The following TNKS2 variants were observed in gnomAD, a reference collection of about 807,000 sequenced individuals.
The protein encoded by TNKS2 is tankyrase 2.
In TNKS2, 72 loss-of-function variants were observed where a neutral mutation model predicts 137.6. The ratio of observed to expected loss-of-function variants is 0.52; its 90% CI spans 0.43 to 0.64. The LOEUF (loss-of-function observed/expected upper bound fraction) is 0.64, where lower values mean the gene tolerates loss of function less well. Among genes scored for constraint, TNKS2 ranks in the 30% least tolerant of loss-of-function variants. The pLI is 0.00. For synonymous variants in TNKS2, 516 were observed against 512.1 expected (o/e 1.01, Z -0.10); for missense variants, 1,049 against 1,410.2 (o/e 0.74, Z 4.10).
rs1358361527 is a variant in TNKS2, at chr10:91,817,183, G to A, written c.474G>A (p.Arg158=). ...CAACCATCCGAAATACAGATGGAAG[G>A]ACAGCATTGGATTTAGCAGATCCAT... ...AEPTIRNTDG[R]TALDLADPSA... is the part of the protein sequence containing the mutation. Residue 158 remains arginine, a synonymous_variant, in exon 3 of 27, where the codon AGG becomes AGA. Coordinates refer to ENST00000371627, the MANE Select transcript of TNKS2 (RefSeq NM_025235.4). The A allele has an allele frequency of 1.7e-5, 27 of 1,613,610 alleles. No individual in the cohort carries two copies. The highest frequency in any genetic ancestry group is 3.3e-5 in the Admixed American group (2 of 59,972).
At chr10:91,817,750 T>C (rs946532102) in intron 3 of TNKS2, among the ~76,000 whole-genome samples, 1 of 152,210 alleles carries the variant, frequency 6.6e-6, no homozygotes, top group African/African-American at 2.4e-5. Context: ...ACCATGCTAG[T>C]TGTACTCTGC....
chr10:91,862,332 C>T (rs570317595), intron 26 of TNKS2, among the ~76,000 whole-genome samples, 177 bp downstream of exon 26: 12 of 152,190 alleles, frequency 7.9e-5, no homozygotes, highest in Admixed American at 3.9e-4. Flanking sequence ...TTCTTATAAC[C>T]TTTACCTAGA....
chr10:91,837,233 G>A (rs927986851), intron 13 of TNKS2, among the ~76,000 whole-genome samples: 2 of 151,980 alleles, frequency 1.3e-5, no homozygotes, highest in South Asian at 2.1e-4. Flanking sequence ...AATAAATTCG[G>A]GTAATACCAA....
intron 1 of TNKS2, among the ~76,000 whole-genome samples, chr10:91,806,260 T>C (rs1237346961): frequency 1.3e-5 from 2 of 152,280 alleles, no homozygotes; most frequent in East Asian, 1.9e-4. Flanking sequence ...AATATAATTA[T>C]CAAATATCGT....
At chr10:91,805,031 T>G (rs1844281469) in intron 1 of TNKS2, among the ~76,000 whole-genome samples, 1 of 152,120 alleles carries the variant, frequency 6.6e-6, no homozygotes, top group South Asian at 2.1e-4. Context: ...CCCAAAGTGC[T>G]GGGATTACAG....
intron 17 of TNKS2, among the ~76,000 whole-genome samples, chr10:91,845,328 G>T (rs1328626238): frequency 6.6e-6 from 1 of 152,156 alleles, no homozygotes; most frequent in African/African-American, 2.4e-5. Context: ...CACCAACGGG[G>T]TAGATGGAAT....
At chr10:91,826,967 C>G in intron 7 of TNKS2, 50 bp from the exon 8 acceptor site, 1 of 1,418,736 alleles carries the variant, frequency 7.0e-7, no homozygotes, top group African/African-American at 1.4e-5. Flanking sequence ...ACGAATAATT[C>G]TGAATTCTTT....
chr10:91,820,431 C>A (rs998287311), intron 6 of TNKS2, among the ~76,000 whole-genome samples: 3 of 152,128 alleles, frequency 2.0e-5, no homozygotes, highest in African/African-American at 7.2e-5. Context: ...GCAGAGTTTG[C>A]GGGACATTAG....
chr10:91,819,354 CTTT>C (rs747107014), intron 4 of TNKS2, 48 bp downstream of exon 4: 35 of 1,226,748 alleles, frequency 2.9e-5, no homozygotes, highest in Admixed American at 1.5e-4. Context: ...TCACCATTAA[CTTT>C]TTCTTTTTTT....
At chr10:91,812,313 G>A (rs1844536207) in intron 1 of TNKS2, among the ~76,000 whole-genome samples, 1 of 152,070 alleles carries the variant, frequency 6.6e-6, no homozygotes, top group Non-Finnish European at 1.5e-5. Flanking sequence ...TTTGATTTGG[G>A]GGCAGTTGAG....
At position 91,812,966 on chromosome 10, in the gene TNKS2, A is replaced by G. The variant is rs368642049; in HGVS notation, c.200-17A>G. On this transcript the variant is annotated splice_polypyrimidine_tract_variant and intron_variant, in intron 1 of 26. Transcript: ENST00000371627. ...TTCCTTGTTGAACTTACGTGTGGAC[A>G]ATTTGTTTTCATCTAGGTTTTGGGC... 1.4e-5 allele frequency: 23 copies of G among 1,613,150 alleles called. No homozygotes were observed. The African/African-American group carries it at 2.4e-4, about 17-fold the overall frequency.
chr10:91,864,114 TATAAA>T lies in TNKS2; in HGVS notation c.*1118_*1122del, dbSNP rs2133691136. ...ATCATGGGTAAACTTAACCCAGAAC[TATAAA>T]ATGTAGTTGTCTCAGTCCCCTCCAG... On this transcript the variant is annotated 3_prime_UTR_variant, in exon 27 of 27. Coordinates refer to ENST00000371627, the MANE Select transcript of TNKS2 (RefSeq NM_025235.4). 1 of 152,548 alleles carries T rather than the reference TATAAA, an allele frequency of 6.6e-6. No individual in the cohort carries two copies. The highest frequency in any genetic ancestry group is 2.1e-4 in the South Asian group (1 of 4,830). The allele number at this position is 152,548 out of a possible 1,614,324, so 9.4% of individuals were successfully genotyped here. A position where few individuals can be genotyped will look rare whatever the true frequency, so the allele number is the denominator to read the frequency against.
At position 91,863,269 on chromosome 10, in the gene TNKS2, T is replaced by C; in HGVS notation, c.*270T>C. On this transcript the variant is annotated 3_prime_UTR_variant, in exon 27 of 27. Transcript: ENST00000371627. ...GTACTAAATTATAAACAGAGTTAAC[T>C]TGAACCTTTTATATGTTATGCATTG... The C allele has an allele frequency of 3.1e-6, 1 of 323,340 alleles. No homozygotes were observed. The highest frequency in any genetic ancestry group is 5.7e-6 in the Non-Finnish European group (1 of 175,044). 20.0% of individuals were successfully genotyped at this position (323,340 alleles called of 1,614,324 possible).
intron 1 of TNKS2, among the ~76,000 whole-genome samples, chr10:91,810,908 C>CT (rs1472899869): frequency 3.5e-5 from 2 of 56,734 alleles, no homozygotes; most frequent in African/African-American, 1.2e-4. Flanking sequence ...TTTTCTTTCT[C>CT]TCTTTTCTTT....
At chr10:91,855,333 GTGTT>G (rs915691954) in intron 22 of TNKS2, among the ~76,000 whole-genome samples, 3 of 151,528 alleles carry the variant, frequency 2.0e-5, no homozygotes, top group African/African-American at 7.3e-5. Flanking sequence ...TTTGTTTTTT[GTGTT>G]TGTTTTTGTT....
At chr10:91,858,821 C>T (rs992093912) in intron 24 of TNKS2, among the ~76,000 whole-genome samples, 7 of 152,074 alleles carry the variant, frequency 4.6e-5, no homozygotes, top group African/African-American at 1.7e-4. Flanking sequence ...CCAGCCTGAC[C>T]AATATGTTGA....
intron 12 of TNKS2, among the ~76,000 whole-genome samples, chr10:91,834,976 A>G (rs570935855): frequency 6.6e-6 from 1 of 152,318 alleles, no homozygotes; most frequent in African/African-American, 2.4e-5. Flanking sequence ...GTAGCATATA[A>G]TTGTCAAATT....
Position 91,807,490 on chromosome 10 carries a change from C to T in TNKS2, c.200-5493C>T, listed in dbSNP as rs1039429816. 191 of 1,525,106 alleles carry T rather than the reference C, an allele frequency of 1.3e-4. No homozygotes were observed. In the African/African-American group the frequency reaches 2.4e-3, roughly 19 times the overall value. The allele number at this position is 1,525,106 out of a possible 1,614,324, so 94.5% of individuals were successfully genotyped here. ...AGAAGCAAGGCCTCAGAACCCGGCC[C>T]AACAAACTACCTACGTCCGGGAGTC... On this transcript the variant is annotated intron_variant, in intron 1 of 26. Coordinates refer to ENST00000371627, the MANE Select transcript of TNKS2 (RefSeq NM_025235.4).
In TNKS2 at chr10:91,809,438, G is replaced by A. The variant is rs554473378; in HGVS notation, c.200-3545G>A. 7.9e-4 allele frequency among the ~76,000 whole-genome samples: 120 copies of A among 151,856 alleles called. 1 individual carries two copies. The South Asian group carries it at 8.7e-3, about 11-fold the overall frequency. Reference sequence around the variant, plus strand: ...TCCCAGCACTTTGGGAGGCCGAGGCGGGCGGATCACAAGGTCAGGAGATCG... The same window carrying A: ...TCCCAGCACTTTGGGAGGCCGAGGCAGGCGGATCACAAGGTCAGGAGATCG... On this transcript the variant is annotated intron_variant, in intron 1 of 26. Transcript: ENST00000371627.
Sources: allele counts gnomAD v4.1 joint callset (sites outside exome capture counted in the v4.1 genomes callset), GRCh38; gene constraint gnomAD v4.1.1; transcripts MANE v1.5; gene names NCBI Gene and HGNC (gene_info 2026-07-23, HGNC 2026-07-21).